Variants in YARS2 observed in about 807,000 individuals in gnomAD.
The protein encoded by YARS2 is tyrosyl-tRNA synthetase 2.
A neutral mutation model predicts 45.0 loss-of-function variants in YARS2; 38 were observed. That is an observed-to-expected ratio of 0.84 (90% CI 0.65 to 1.11). The LOEUF (loss-of-function observed/expected upper bound fraction) is 1.11. Among genes scored for constraint, YARS2 ranks in the 50% least tolerant of loss-of-function variants. The pLI, the probability that YARS2 is intolerant of heterozygous loss-of-function variation, is 0.00. For missense variants in YARS2, 602 were observed against 599.8 expected, an observed-to-expected ratio of 1.00 and a Z score of -0.04; for synonymous variants, 287 against 245.1, an observed-to-expected ratio of 1.17 and a Z score of -1.60.
intron 4 of YARS2, among the ~76,000 whole-genome samples, chr12:32,749,215 TC>T (rs2137648726): frequency 6.6e-6 from 1 of 152,244 alleles, no homozygotes; most frequent in South Asian, 2.1e-4. Context: ...ACCTTTCCCA[TC>T]CCCGAATATA....
Position 32,755,258 on chromosome 12 carries a change from A to AG in YARS2, c.616dup (p.Leu206ProfsTer23), listed in dbSNP as rs1085307738. On this transcript the variant is annotated frameshift_variant, in exon 1 of 5. Coordinates refer to ENST00000324868, the MANE Select transcript of YARS2 (RefSeq NM_001040436.3). LOFTEE classifies it high-confidence loss of function. Reference sequence around the variant, plus strand: ...CATGCCCTCGGGGCTCTTGAGCCGCAGCTGCACGCTCTGCCGGCTCAGCAG... The same window carrying AG: ...CATGCCCTCGGGGCTCTTGAGCCGCAGGCTGCACGCTCTGCCGGCTCAGCAG... 6.2e-7 allele frequency: 1 copy of AG among 1,614,124 alleles called. No individual in the cohort carries two copies. Among genetic ancestry groups the AG allele is most frequent in the Non-Finnish European group, 8.5e-7 (1 of 1,180,050 alleles).
chr12:32,754,994 C>A, intron 1 of YARS2, 102 bp downstream of exon 1: 1 of 1,477,744 alleles, frequency 6.8e-7, no homozygotes, highest in East Asian at 2.3e-5. Context: ...CCAACAAGAG[C>A]TGGAACGAAG....
intron 4 of YARS2, 143 bp downstream of exon 4, chr12:32,749,794 G>A: frequency 1.1e-6 from 1 of 901,598 alleles, no homozygotes; most frequent in Non-Finnish European, 1.8e-6. Context: ...AGCCAGGATG[G>A]TCTCGATCTC....
chr12:32,755,198 G>C lies in YARS2; in HGVS notation c.677C>G (p.Ala226Gly). 10 of 1,614,176 alleles carry C rather than the reference G, an allele frequency of 6.2e-6. No homozygotes were observed. The highest frequency in any genetic ancestry group is 7.6e-6 in the Non-Finnish European group (9 of 1,180,042). ...CTGGAAGAGGTAATAGAAGTCATAGGCCTGGAGCACCTGGTAAAAGAACTC... is the reference window on the plus strand; with the variant it reads ...CTGGAAGAGGTAATAGAAGTCATAGCCCTGGAGCACCTGGTAAAAGAACTC... ...LAEFFYQVLQ[A>G]YDFYYLFQRY... Residue 226 changes from alanine to glycine, a missense_variant, in exon 1 of 5, where the codon GCC becomes GGC. Coordinates refer to ENST00000324868, the MANE Select transcript of YARS2 (RefSeq NM_001040436.3).
intron 4 of YARS2, 106 bp downstream of exon 4, chr12:32,749,830 GC>G: frequency 7.5e-7 from 1 of 1,332,226 alleles, no homozygotes; most frequent in Non-Finnish European, 1.1e-6. Flanking sequence ...GCCCGCCTCG[GC>G]CTCCCAATGT....
chr12:32,755,161 G>C lies in YARS2; in HGVS notation c.714C>G (p.Cys238Trp). The change falls in exon 1 of 5, where the codon TGC (cysteine) becomes TGG (tryptophan). Residue 238 changes from cysteine (C) to tryptophan (W), a missense_variant. Cys to Trp is a radical substitution (Grantham distance 215). Coordinates refer to ENST00000324868, the MANE Select transcript of YARS2 (RefSeq NM_001040436.3). ...DFYYLFQRYGCRVQLGGSDQL... is the reference protein window; with the variant it reads ...DFYYLFQRYGWRVQLGGSDQL... ...GATCAGATCCGCCCAGCTGGACCCT[G>C]CATCCATAACGCTGGAAGAGGTAAT... 1 of 1,614,186 alleles carries C rather than the reference G, an allele frequency of 6.2e-7. No homozygotes were observed. The highest frequency in any genetic ancestry group is 8.5e-7 in the Non-Finnish European group (1 of 1,180,028).
chr12:32,755,502 G>T lies in YARS2; in HGVS notation c.373C>A (p.Arg125Ser). The change falls in exon 1 of 5, where the codon CGT becomes AGT. Residue 125 changes from arginine (R) to serine (S), a missense_variant. Arg to Ser is a moderately radical substitution (Grantham distance 110, BLOSUM62 -1). Transcript: ENST00000324868. ...ATARLGDPSGRTKEREALETE... is the reference protein window; with the variant it reads ...ATARLGDPSGSTKEREALETE... ...TCCAGCGCCTCGCGTTCCTTGGTAC[G>T]GCCGCTCGGGTCTCCCAGGCGCGCC... 1 of 1,612,282 alleles carries T rather than the reference G, an allele frequency of 6.2e-7. No individual in the cohort carries two copies. Among genetic ancestry groups the T allele is most frequent in the Non-Finnish European group, 8.5e-7 (1 of 1,179,424 alleles).
rs1176418938 is a variant in YARS2 at position 32,748,072 on chromosome 12, GA to G, written c.1275-710del. Among the ~76,000 whole-genome samples, 3 of 152,282 alleles carry G rather than the reference GA, an allele frequency of 2.0e-5. No individual in the cohort carries two copies. The East Asian group carries it at 5.8e-4, about 29-fold the overall frequency. ...AGGGCTACAGCGTGGCTAGATCTTG[GA>G]AGTCCTTAAGAAAGAAAAATGGTGG... On this transcript the variant is annotated intron_variant, in intron 4 of 4. Coordinates refer to ENST00000324868, the MANE Select transcript of YARS2 (RefSeq NM_001040436.3).
At position 32,755,753 on chromosome 12, in the gene YARS2, G is replaced by A. The variant is rs754138229; in HGVS notation, c.122C>T (p.Ala41Val). 5.0e-6 allele frequency: 8 copies of A among 1,613,886 alleles called. No individual in the cohort carries two copies. Among genetic ancestry groups the A allele is most frequent in the East Asian group, 4.5e-5 (2 of 44,882 alleles). ...AHSGAQGLLA[A>V]QKARGLFKDF... ...CTTGAACAGACCTCGAGCCTTCTGC[G>A]CTGCCAGTAACCCCTGAGCGCCCGA... is the stretch of plus-strand genomic sequence containing the variant. Residue 41 changes from alanine (A) to valine (V), a missense_variant, in exon 1 of 5, where the codon GCG becomes GTG. By Grantham distance (64) the Ala-to-Val change is moderately conservative. Coordinates refer to ENST00000324868, the MANE Select transcript of YARS2 (RefSeq NM_001040436.3).
At chr12:32,750,248 C>T in intron 3 of YARS2, 141 bp from the exon 4 acceptor site, 1 of 998,978 alleles carries the variant, frequency 1.0e-6, no homozygotes, top group Non-Finnish European at 1.5e-6. Context: ...GTTGCCCCGG[C>T]TGGATTGCAA....
rs772830258 is a variant in YARS2, at chr12:32,750,705, T to C, written c.1103+14A>G. On this transcript the variant is annotated intron_variant, in intron 3 of 4. Coordinates refer to ENST00000324868, the MANE Select transcript of YARS2 (RefSeq NM_001040436.3). ...ATAACTAACTATCAAGTGTTAATCATACTAAACTACTACCTTTTAGCAGAA... is the reference window on the plus strand; with the variant it reads ...ATAACTAACTATCAAGTGTTAATCACACTAAACTACTACCTTTTAGCAGAA... 6.2e-7 allele frequency: 1 copy of C among 1,613,458 alleles called. No homozygotes were observed. The highest frequency in any genetic ancestry group is 8.5e-7 in the Non-Finnish European group (1 of 1,179,994).
At chr12:32,751,257 C>T (rs966281767) in intron 2 of YARS2, among the ~76,000 whole-genome samples, 4 of 151,492 alleles carry the variant, frequency 2.6e-5, no homozygotes, top group Admixed American at 1.3e-4. Context: ...TTTGTAAAGA[C>T]GGGGTCTCCT....
At chr12:32,749,193 ATAGGT>A (rs1265963449) in intron 4 of YARS2, among the ~76,000 whole-genome samples, 2 of 152,152 alleles carry the variant, frequency 1.3e-5, no homozygotes, top group Admixed American at 6.5e-5. Context: ...AATACTATAG[ATAGGT>A]TAGGTAACCT....
chr12:32,754,089 C>T lies in YARS2; in HGVS notation c.780-4G>A, dbSNP rs771768103. 37 of 1,614,032 alleles carry T rather than the reference C, an allele frequency of 2.3e-5. No individual in the cohort carries two copies. The East Asian group carries it at 4.2e-4, about 18-fold the overall frequency. On this transcript the variant is annotated splice_polypyrimidine_tract_variant and splice_region_variant and intron_variant, in intron 1 of 4. Coordinates refer to ENST00000324868, the MANE Select transcript of YARS2 (RefSeq NM_001040436.3). ...AAATACATCTTCTCCAGTCAACCTA[C>T]GCATAAAGAACAATTTCATTATGTG...
intron 2 of YARS2, among the ~76,000 whole-genome samples, chr12:32,751,842 A>C (rs1370931108): frequency 1.3e-5 from 2 of 152,166 alleles, no homozygotes; most frequent in East Asian, 1.9e-4. Context: ...CTCGCCTGCC[A>C]CTCAGCTCCT....
In YARS2 at chr12:32,755,897, T is replaced by C; in HGVS notation, c.-23A>G. On this transcript the variant is annotated 5_prime_UTR_variant, in exon 1 of 5. Transcript: ENST00000324868. ...CATCTTGGTAGCGGCACGAAGGGAA[T>C]GCTGGGATTGCAGAGGCTCCCACCA... The C allele has an allele frequency of 1.2e-6, 2 of 1,611,870 alleles. No homozygotes were observed. Among genetic ancestry groups the C allele is most frequent in the East Asian group, 2.2e-5 (1 of 44,826 alleles).
At chr12:32,748,813 A>G (rs1213053908) in intron 4 of YARS2, among the ~76,000 whole-genome samples, 4 of 151,096 alleles carry the variant, frequency 2.6e-5, no homozygotes, top group African/African-American at 4.9e-5. Flanking sequence ...GAACAACTAT[A>G]ACAAATGTCA....
rs1592714547 is a variant in YARS2, at chr12:32,755,279, A to G, written c.596T>C (p.Leu199Pro). ...VGGHFRMGTLLSRQSVQLRLK... is the reference protein window; with the variant it reads ...VGGHFRMGTLPSRQSVQLRLK... ...CCGCAGCTGCACGCTCTGCCGGCTC[A>G]GCAGCGTCCCCATGCGGAAGTGACC... Residue 199 changes from leucine (L) to proline (P), a missense_variant, in exon 1 of 5, where the codon CTG (leucine) becomes CCG (proline). Physicochemically the swap from Leu to Pro is moderately conservative, Grantham distance 98 (BLOSUM62 -3). Coordinates refer to ENST00000324868, the MANE Select transcript of YARS2 (RefSeq NM_001040436.3). 6.2e-7 allele frequency: 1 copy of G among 1,614,030 alleles called. No homozygotes were observed. The highest frequency in any genetic ancestry group is 1.3e-5 in the African/African-American group (1 of 74,932).
intron 2 of YARS2, 34 bp from the exon 3 acceptor site, chr12:32,750,908 T>C (rs1394105091): frequency 6.2e-7 from 1 of 1,610,680 alleles, no homozygotes; most frequent in African/African-American, 1.3e-5. Context: ...TACACTTATA[T>C]AACATACCTA....
Sources: allele counts gnomAD v4.1 joint callset (sites outside exome capture counted in the v4.1 genomes callset), GRCh38; gene constraint gnomAD v4.1.1; transcripts MANE v1.5; gene names NCBI Gene and HGNC (gene_info 2026-07-23, HGNC 2026-07-21).